SLC7A11: variants seen among roughly 807,000 people sequenced by gnomAD.
The protein encoded by SLC7A11 is solute carrier family 7 member 11.
Under a neutral mutation model 54.5 loss-of-function variants are expected in SLC7A11, and 35 were observed. The observed-to-expected ratio is 0.64, with a 90% confidence interval of 0.49 to 0.85. The LOEUF is 0.85. Ranked by LOEUF, SLC7A11 falls within the 40% of genes least tolerant of loss-of-function variation. The pLI is 0.00. For missense variants in SLC7A11, 583 were observed against 618.1 expected (o/e 0.94, Z 0.60); for synonymous variants, 230 against 225.2 (o/e 1.02, Z -0.19).
intron 3 of SLC7A11, among the ~76,000 whole-genome samples, chr4:138,224,108 G>A (rs762411918): frequency 2.0e-5 from 3 of 152,208 alleles, no homozygotes; most frequent in East Asian, 1.9e-4. Flanking sequence ...GTTATTCATC[G>A]CTGTATCGCT....
intron 7 of SLC7A11, 23 bp downstream of exon 7, chr4:138,185,098 G>C (rs1371148502): frequency 1.9e-5 from 30 of 1,611,356 alleles, no homozygotes; most frequent in South Asian, 4.4e-5. Context: ...ATTCCAATTG[G>C]CATTTTCCCA....
At chr4:138,224,859 GAGA>G (rs1489800424) in intron 3 of SLC7A11, among the ~76,000 whole-genome samples, 1 of 138,922 alleles carries the variant, frequency 7.2e-6, no homozygotes, top group African/African-American at 2.6e-5. Flanking sequence ...AGGAAGGAAG[GAGA>G]AATAGATCTG....
chr4:138,200,866 C>T (rs181493541), intron 6 of SLC7A11, among the ~76,000 whole-genome samples: 2 of 152,102 alleles, frequency 1.3e-5, no homozygotes, highest in Admixed American at 1.3e-4. Flanking sequence ...AAGTAGAGAA[C>T]TCTTTGTACA....
rs139307810 is a variant in SLC7A11, at chr4:138,166,887, T to G, written c.*5069A>C. 84 of 152,272 alleles carry G rather than the reference T, an allele frequency of 5.5e-4. 2 individuals carry two copies. The East Asian group carries it at 0.015, about 28-fold the overall frequency. 9.4% of individuals were successfully genotyped at this position (152,272 alleles called of 1,614,324 possible). A position where few individuals can be genotyped will look rare whatever the true frequency, so the allele number is the denominator to read the frequency against. On this transcript the variant is annotated 3_prime_UTR_variant, in exon 12 of 12. Transcript: ENST00000280612. Reference sequence around the variant, plus strand: ...TTATATAAATTCATTGTTATGAGGTTGTAGAAAGGACAGTTATCTCACGAC... The same window carrying G: ...TTATATAAATTCATTGTTATGAGGTGGTAGAAAGGACAGTTATCTCACGAC...
chr4:138,238,155 T>A (rs1396333565), intron 1 of SLC7A11, among the ~76,000 whole-genome samples: 1 of 152,118 alleles, frequency 6.6e-6, no homozygotes, highest in Non-Finnish European at 1.5e-5. Context: ...ACAATTCACA[T>A]AAAATTGGAC....
At chr4:138,205,636 C>T (rs1217407472) in intron 6 of SLC7A11, among the ~76,000 whole-genome samples, 1 of 152,008 alleles carries the variant, frequency 6.6e-6, no homozygotes, top group African/African-American at 2.4e-5. Flanking sequence ...AAGTTTTTCA[C>T]CAAGTATGAC....
At chr4:138,235,109 CA>C (rs1738174538) in intron 2 of SLC7A11, among the ~76,000 whole-genome samples, 1 of 151,976 alleles carries the variant, frequency 6.6e-6, no homozygotes, top group African/African-American at 2.4e-5. Flanking sequence ...GTATCATGCT[CA>C]ATGCCAAATG....
intron 6 of SLC7A11, among the ~76,000 whole-genome samples, chr4:138,197,668 C>T (rs1737173645): frequency 6.6e-6 from 1 of 152,014 alleles, no homozygotes; most frequent in East Asian, 1.9e-4. Flanking sequence ...TCTTCATCCA[C>T]TTGAACAGCT....
chr4:138,211,622 T>C (rs928744104), intron 6 of SLC7A11, among the ~76,000 whole-genome samples: 7 of 151,888 alleles, frequency 4.6e-5, no homozygotes, highest in Non-Finnish European at 5.9e-5. Flanking sequence ...AGCCAAAATA[T>C]GGAATCAATC....
chr4:138,183,440 G>A, intron 7 of SLC7A11, 135 bp from the exon 8 acceptor site: 4 of 655,660 alleles, frequency 6.1e-6, no homozygotes. Flanking sequence ...TCTCTCTTTG[G>A]TTAGGGTCAG....
intron 7 of SLC7A11, among the ~76,000 whole-genome samples, chr4:138,184,643 C>T (rs1316769339): frequency 2.0e-5 from 3 of 152,028 alleles, no homozygotes; most frequent in African/African-American, 7.2e-5. Flanking sequence ...ATTAATATCG[C>T]AGGACTAGTA....
In SLC7A11 at chr4:138,170,248, GTGTATATA is replaced by G. The variant is rs1441474903; in HGVS notation, c.*1700_*1707del. ...ATATATAAAAAGTGTGTGTGTGTGT[GTGTATATA>G]TATATATATATATATACACACACAC... On this transcript the variant is annotated 3_prime_UTR_variant, in exon 12 of 12. Coordinates refer to ENST00000280612, the MANE Select transcript of SLC7A11 (RefSeq NM_014331.4). The G allele has an allele frequency of 2.1e-4, 19 of 89,180 alleles. No homozygotes were observed. Among genetic ancestry groups the G allele is most frequent in the African/African-American group, 3.9e-4 (10 of 25,322 alleles). 5.5% of individuals were successfully genotyped at this position (89,180 alleles called of 1,614,324 possible). A position where few individuals can be genotyped will look rare whatever the true frequency, so the allele number is the denominator to read the frequency against.
At position 138,182,456 on chromosome 4, in the gene SLC7A11, A is replaced by C. The variant is rs1192816701; in HGVS notation, c.1020-63T>G. The C allele has an allele frequency of 4.0e-6, 4 of 1,009,006 alleles. No homozygotes were observed. The East Asian group carries it at 9.7e-5, about 24-fold the overall frequency. The allele number at this position is 1,009,006 out of a possible 1,614,324, so 62.5% of individuals were successfully genotyped here. On this transcript the variant is annotated intron_variant, in intron 8 of 11. Transcript: ENST00000280612. ...ATTGATCATTTCAAAGGGAAAATCC[A>C]AAAATCCCAGAGAAAACGTGCATCT...
At chr4:138,197,199 T>C (rs1330952712) in intron 6 of SLC7A11, among the ~76,000 whole-genome samples, 1 of 152,166 alleles carries the variant, frequency 6.6e-6, no homozygotes, top group Non-Finnish European at 1.5e-5. Flanking sequence ...ACATATATAA[T>C]AATTAAATTT....
In SLC7A11 at chr4:138,189,164, G is replaced by C. The variant is rs189199854; in HGVS notation, c.792-3920C>G. On this transcript the variant is annotated intron_variant, in intron 6 of 11. Transcript: ENST00000280612. ...ATGTGCTTAGAAGCATTTTTGTTCC[G>C]AGTGATAGGCCTCCCCAGAAATGAA... is the stretch of plus-strand genomic sequence containing the variant. Among the ~76,000 whole-genome samples, 7 of 152,192 alleles carry C rather than the reference G, an allele frequency of 4.6e-5. No individual in the cohort carries two copies. The East Asian group carries it at 1.4e-3, about 29-fold the overall frequency.
At chr4:138,241,357 A>G (rs1348117165) in intron 1 of SLC7A11, among the ~76,000 whole-genome samples, 1 of 152,210 alleles carries the variant, frequency 6.6e-6, no homozygotes, top group Non-Finnish European at 1.5e-5. Flanking sequence ...AAAAGTCAGT[A>G]AGACTTCTGC....
At chr4:138,195,522 T>C (rs1737110270) in intron 6 of SLC7A11, among the ~76,000 whole-genome samples, 2 of 152,084 alleles carry the variant, frequency 1.3e-5, no homozygotes, top group African/African-American at 4.8e-5. Context: ...GAACAAGACA[T>C]GGAGGACCCT....
In SLC7A11 at chr4:138,168,017, A is replaced by C. The variant is rs368880393; in HGVS notation, c.*3939T>G. On this transcript the variant is annotated 3_prime_UTR_variant, in exon 12 of 12. Transcript: ENST00000280612. ...TCACTTGTTATATATGGATATTTCA[A>C]TTAACTCATAAATTTTTAAAAACAT... The C allele has an allele frequency of 6.6e-5, 10 of 152,344 alleles. 1 individual carries two copies. In the South Asian group the frequency reaches 1.2e-3, roughly 19 times the overall value. The allele number at this position is 152,344 out of a possible 1,614,324, so 9.4% of individuals were successfully genotyped here.
chr4:138,211,425 C>G (rs1335504745), intron 6 of SLC7A11, among the ~76,000 whole-genome samples: 1 of 151,776 alleles, frequency 6.6e-6, no homozygotes, highest in African/African-American at 2.4e-5. Flanking sequence ...ATCTAAAATT[C>G]ACTGTTAGTG....
Sources: allele counts gnomAD v4.1 joint callset (sites outside exome capture counted in the v4.1 genomes callset), GRCh38; gene constraint gnomAD v4.1.1; transcripts MANE v1.5; gene names NCBI Gene and HGNC (gene_info 2026-07-23, HGNC 2026-07-21).